The following LARGE1 variants were observed in gnomAD, a reference collection of about 807,000 sequenced individuals.
LARGE1 encodes xylosyl- and glucuronyltransferase LARGE1.
Under a neutral mutation model 87.6 loss-of-function variants are expected in LARGE1, and 43 were observed. The ratio of observed to expected loss-of-function variants is 0.49; its 90% CI spans 0.38 to 0.63. The LOEUF is 0.63. Among genes scored for constraint, LARGE1 ranks in the 30% least tolerant of loss-of-function variants. The pLI is 0.00. For synonymous variants in LARGE1, 434 were observed against 394.6 expected, an observed-to-expected ratio of 1.10 and a Z score of -1.18; for missense variants, 802 against 1,000.2, an observed-to-expected ratio of 0.80 and a Z score of 2.67.
intron 2 of LARGE1, among the ~76,000 whole-genome samples, chr22:33,662,627 G>A (rs1603040347): frequency 6.6e-6 from 1 of 152,134 alleles, no homozygotes; most frequent in East Asian, 1.9e-4. Context: ...AATAGAAAGA[G>A]CTAGTTATCA....
intron 11 of LARGE1, among the ~76,000 whole-genome samples, chr22:33,167,122 A>T (rs1382195276): frequency 6.6e-6 from 1 of 152,198 alleles, no homozygotes; most frequent in African/African-American, 2.4e-5. Context: ...CATTTCCAGT[A>T]TTCTGCCATA....
intron 11 of LARGE1, among the ~76,000 whole-genome samples, chr22:33,249,077 A>G (rs1926899204): frequency 6.6e-6 from 1 of 152,192 alleles, no homozygotes; most frequent in African/African-American, 2.4e-5. Flanking sequence ...AATACCAAGG[A>G]GTGTAATTGC....
chr22:33,891,886 T>C (rs1012542033), intron 1 of LARGE1, among the ~76,000 whole-genome samples: 3 of 152,232 alleles, frequency 2.0e-5, no homozygotes, highest in Non-Finnish European at 4.4e-5. Context: ...AAATATCACA[T>C]ATTTTTAACT....
At chr22:33,441,448 TTC>T (rs886945108) in intron 6 of LARGE1, among the ~76,000 whole-genome samples, 1 of 151,592 alleles carries the variant, frequency 6.6e-6, no homozygotes, top group Non-Finnish European at 1.5e-5. Flanking sequence ...ATCTCTCTCT[TTC>T]TCTCTCTCTC....
At chr22:33,312,856 T>C (rs1433359817) in intron 11 of LARGE1, among the ~76,000 whole-genome samples, 1 of 152,188 alleles carries the variant, frequency 6.6e-6, no homozygotes, top group Non-Finnish European at 1.5e-5. Flanking sequence ...ATAAATGCCA[T>C]GGAGGAGAAG....
At chr22:33,774,544 AT>A (rs201989236) in intron 1 of LARGE1, among the ~76,000 whole-genome samples, 15,269 of 151,884 alleles carry the variant, frequency 0.1, 901 homozygotes, top group South Asian at 0.25. Flanking sequence ...TTTAGTAGAG[AT>A]GGGGGTTTCA....
chr22:33,734,104 A>G (rs1167814925), intron 2 of LARGE1, among the ~76,000 whole-genome samples: 1 of 152,182 alleles, frequency 6.6e-6, no homozygotes, highest in Non-Finnish European at 1.5e-5. Flanking sequence ...CGTGTGTCTC[A>G]CATCATCTGA....
chr22:33,906,193 T>C (rs955087190), intron 1 of LARGE1, among the ~76,000 whole-genome samples: 3 of 151,934 alleles, frequency 2.0e-5, no homozygotes, highest in African/African-American at 7.3e-5. Context: ...AGGATAACCA[T>C]GAAAGGAGGA....
At chr22:33,351,472 TTAAAA>T (rs1195026877) in intron 9 of LARGE1, among the ~76,000 whole-genome samples, 4 of 152,162 alleles carry the variant, frequency 2.6e-5, no homozygotes, top group Admixed American at 2.6e-4. Context: ...TAATATTGAA[TTAAAA>T]TAACCCTCAC....
In LARGE1 at chr22:33,697,315, T is replaced by C. The variant is rs551290865; in HGVS notation, c.107-46647A>G. Among the ~76,000 whole-genome samples, 11 of 152,194 alleles carry C rather than the reference T, an allele frequency of 7.2e-5. No homozygotes were observed. The South Asian group carries it at 1.9e-3, about 26-fold the overall frequency. On this transcript the variant is annotated intron_variant, in intron 2 of 14. Coordinates refer to ENST00000397394, the MANE Select transcript of LARGE1 (RefSeq NM_133642.5). ...GTAAGGGAGCAGCCACCCCATGGCT[T>C]CTTAACCACAGTTTCCTTGGTGGTC...
At chr22:33,772,606 G>A (rs1206664565) in intron 1 of LARGE1, among the ~76,000 whole-genome samples, 2 of 152,008 alleles carry the variant, frequency 1.3e-5, no homozygotes, top group Non-Finnish European at 2.9e-5. Flanking sequence ...TCAACTCAGA[G>A]AACTCTTCCC....
intron 6 of LARGE1, among the ~76,000 whole-genome samples, chr22:33,536,023 G>A (rs989680422): frequency 5.9e-5 from 9 of 152,152 alleles, no homozygotes; most frequent in African/African-American, 2.2e-4. Context: ...AAGTCCGCAT[G>A]GTCACTTAAA....
chr22:33,872,671 G>C (rs1032298892), intron 1 of LARGE1, among the ~76,000 whole-genome samples: 1 of 152,152 alleles, frequency 6.6e-6, no homozygotes, highest in Middle Eastern at 3.2e-3. Flanking sequence ...ACACTGGCAG[G>C]AAGAGCCAGA....
intron 1 of LARGE1, among the ~76,000 whole-genome samples, chr22:33,849,687 C>T (rs189057018): frequency 6.7e-6 from 1 of 148,640 alleles, no homozygotes; most frequent in Admixed American, 6.7e-5. Flanking sequence ...CAACCTCTAC[C>T]TCCCAGGTTC....
intron 1 of LARGE1, among the ~76,000 whole-genome samples, chr22:33,872,135 CACCCACAGA>C (rs1268046665): frequency 1.3e-5 from 2 of 152,044 alleles, no homozygotes; most frequent in Admixed American, 6.5e-5. Flanking sequence ...GTCACTCGCC[CACCCACAGA>C]GGCTGGTCAC....
At chr22:33,372,094 T>C (rs756505605) in intron 9 of LARGE1, among the ~76,000 whole-genome samples, 1 of 152,162 alleles carries the variant, frequency 6.6e-6, no homozygotes, top group Non-Finnish European at 1.5e-5. Context: ...TATGCTATGT[T>C]ACATTAAATA....
At chr22:33,229,572 C>G (rs1386036224) in intron 11 of LARGE1, among the ~76,000 whole-genome samples, 1 of 151,766 alleles carries the variant, frequency 6.6e-6, no homozygotes, top group Admixed American at 6.6e-5. Context: ...GGAAGATAAA[C>G]ATAAGGAAAT....
At chr22:33,901,131 C>A (rs1165035921) in intron 1 of LARGE1, among the ~76,000 whole-genome samples, 1 of 152,070 alleles carries the variant, frequency 6.6e-6, no homozygotes, top group Non-Finnish European at 1.5e-5. Context: ...AAGAAAATAG[C>A]TATGTGACTG....
At chr22:33,691,503 C>T (rs1300071073) in intron 2 of LARGE1, among the ~76,000 whole-genome samples, 3 of 152,102 alleles carry the variant, frequency 2.0e-5, no homozygotes, top group Non-Finnish European at 4.4e-5. Flanking sequence ...CAGTAAGAAA[C>T]TACGCAAGCT....
Sources: allele counts gnomAD v4.1 joint callset (sites outside exome capture counted in the v4.1 genomes callset), GRCh38; gene constraint gnomAD v4.1.1; transcripts MANE v1.5; gene names NCBI Gene and HGNC (gene_info 2026-07-23, HGNC 2026-07-21).